ARAP2: variants seen among roughly 807,000 people sequenced by gnomAD.
ARAP2 encodes ArfGAP with RhoGAP domain, ankyrin repeat and PH domain 2.
A neutral mutation model predicts 194.5 loss-of-function variants in ARAP2; 148 were observed. That is an observed-to-expected ratio of 0.76 (90% CI 0.67 to 0.87). ARAP2 has a LOEUF of 0.87. Ranked by LOEUF, ARAP2 falls within the 40% of genes least tolerant of loss-of-function variation. The probability of loss-of-function intolerance (pLI) is 0.00; values close to 1 mark genes in which losing one functional copy is unlikely to be tolerated. For missense variants in ARAP2, 2,128 were observed against 1,989.7 expected, an observed-to-expected ratio of 1.07 and a Z score of -1.32; for synonymous variants, 695 against 683.5, an observed-to-expected ratio of 1.02 and a Z score of -0.26.
chr4:36,158,440 G>A (rs561650614), intron 15 of ARAP2, among the ~76,000 whole-genome samples: 2 of 152,018 alleles, frequency 1.3e-5, no homozygotes, highest in Non-Finnish European at 2.9e-5. Context: ...CTAAGGAAAG[G>A]GGCTGAGTTA....
chr4:36,054,517 C>T (rs748360848), intron 2 of ARAP2, among the ~76,000 whole-genome samples: 1 of 152,072 alleles, frequency 6.6e-6, no homozygotes, highest in Admixed American at 6.5e-5. Context: ...TAACGATATG[C>T]ACCTTCCAAA....
intron 19 of ARAP2, among the ~76,000 whole-genome samples, chr4:36,144,284 CA>C (rs1729080021): frequency 6.6e-6 from 1 of 151,736 alleles, no homozygotes; most frequent in African/African-American, 2.4e-5. Flanking sequence ...GGTCAGACAC[CA>C]AGTTTGAATT....
At chr4:36,241,442 C>A (rs530242510) in intron 1 of ARAP2, among the ~76,000 whole-genome samples, 20 of 152,274 alleles carry the variant, frequency 1.3e-4, no homozygotes, top group African/African-American at 4.6e-4. Context: ...CAACACTACT[C>A]GCTCCAAGAT....
intron 8 of ARAP2, among the ~76,000 whole-genome samples, chr4:36,014,342 GAA>G (rs1301528895): frequency 7.9e-6 from 1 of 127,274 alleles, no homozygotes; most frequent in Non-Finnish European, 1.6e-5. Flanking sequence ...AAGAAAGAAA[GAA>G]AGAAAGAAAG....
intron 24 of ARAP2, 138 bp downstream of exon 24, chr4:36,119,512 C>A (rs1722175616): frequency 3.9e-6 from 2 of 508,222 alleles, no homozygotes; most frequent in African/African-American, 2.0e-5. Flanking sequence ...ATTACACAAC[C>A]AATTAGTTTT....
intron 5 of ARAP2, among the ~76,000 whole-genome samples, chr4:36,044,571 A>G (rs892126187): frequency 6.6e-6 from 1 of 152,170 alleles, no homozygotes; most frequent in Non-Finnish European, 1.5e-5. Flanking sequence ...TTAAAAACTT[A>G]AGTATATGAC....
chr4:36,131,023 T>C (rs1311417700), intron 20 of ARAP2, among the ~76,000 whole-genome samples: 3 of 151,870 alleles, frequency 2.0e-5, no homozygotes, highest in African/African-American at 7.2e-5. Flanking sequence ...ATGAACTCAG[T>C]CAAGTTCAAA....
At chr4:36,208,381 A>G (rs1394182438) in intron 6 of ARAP2, among the ~76,000 whole-genome samples, 1 of 152,210 alleles carries the variant, frequency 6.6e-6, no homozygotes, top group Non-Finnish European at 1.5e-5. Context: ...CTTTTATGCT[A>G]TAACTGCAGA....
intron 26 of ARAP2, 101 bp downstream of exon 26, chr4:36,114,069 T>C: frequency 2.2e-6 from 2 of 900,674 alleles, no homozygotes; most frequent in African/African-American, 1.7e-5. Flanking sequence ...AAAAAAATCA[T>C]AACAAGATGT....
chr4:36,156,443 G>GAGAA (rs1277441934), intron 15 of ARAP2, among the ~76,000 whole-genome samples: 1 of 16,246 alleles, frequency 6.2e-5, no homozygotes, highest in Non-Finnish European at 1.2e-4. Flanking sequence ...AAGAAAGAAA[G>GAGAA]AGAAAGAAAG....
intron 3 of ARAP2, among the ~76,000 whole-genome samples, chr4:36,051,608 G>C (rs192870902): frequency 6.6e-6 from 1 of 152,022 alleles, no homozygotes; most frequent in Non-Finnish European, 1.5e-5. Context: ...TAATTTTCTC[G>C]TTGTTTTCTA....
chr4:36,211,899 A>C (rs938927414), intron 5 of ARAP2, among the ~76,000 whole-genome samples: 14 of 152,110 alleles, frequency 9.2e-5, no homozygotes, highest in African/African-American at 3.4e-4. Context: ...GCCAAGTTCC[A>C]ATAAAGCTGA....
chr4:36,047,440 G>T (rs1414203344), intron 3 of ARAP2, among the ~76,000 whole-genome samples: 1 of 152,260 alleles, frequency 6.6e-6, no homozygotes, highest in Middle Eastern at 3.4e-3. Flanking sequence ...CTAAATTATA[G>T]GCCAATCTAA....
intron 7 of ARAP2, among the ~76,000 whole-genome samples, chr4:36,190,597 C>G (rs1438260862): frequency 3.9e-5 from 6 of 152,194 alleles, no homozygotes; most frequent in Non-Finnish European, 8.8e-5. Flanking sequence ...GTGTAACAGT[C>G]TCCTGGTTTG....
intron 7 of ARAP2, among the ~76,000 whole-genome samples, chr4:36,191,283 C>T (rs1252934452): frequency 2.0e-5 from 3 of 152,008 alleles, no homozygotes; most frequent in Non-Finnish European, 4.4e-5. Flanking sequence ...TAGCACTGTA[C>T]TGAAAGAAAC....
intron 9 of ARAP2, among the ~76,000 whole-genome samples, chr4:36,175,010 CTA>C (rs2109839894): frequency 6.6e-6 from 1 of 152,168 alleles, no homozygotes; most frequent in South Asian, 2.1e-4. Context: ...AAAATAGTTC[CTA>C]TGTTAGGGTA....
At chr4:36,218,499 G>A (rs115990272) in intron 2 of ARAP2, among the ~76,000 whole-genome samples, 2 of 151,604 alleles carry the variant, frequency 1.3e-5, no homozygotes, top group African/African-American at 2.4e-5. Context: ...ATAGCAATGA[G>A]GAAAGTATGG....
chr4:36,094,412 T>C (rs1714636197), intron 27 of ARAP2, among the ~76,000 whole-genome samples: 2 of 152,126 alleles, frequency 1.3e-5, no homozygotes, highest in South Asian at 4.1e-4. Context: ...AAAAAGCTTG[T>C]TGACTCTCAC....
intron 27 of ARAP2, among the ~76,000 whole-genome samples, chr4:36,107,070 T>C (rs548719295): frequency 7.0e-4 from 107 of 152,136 alleles, no homozygotes; most frequent in Non-Finnish European, 1.2e-3. Context: ...ACATGAGCAC[T>C]ATCTCCTTCC....
Sources: gnomAD v4.1 joint callset for allele counts (sites outside exome capture counted in the v4.1 genomes callset) on GRCh38, gnomAD v4.1.1 for gene constraint, MANE v1.5 for transcripts, NCBI Gene and HGNC (gene_info 2026-07-23, HGNC 2026-07-21) for gene names.